The following DLGAP1 variants were observed in gnomAD, a reference collection of about 807,000 sequenced individuals.
DLGAP1 encodes DLG associated protein 1.
A neutral mutation model predicts 90.8 loss-of-function variants in DLGAP1; 11 were observed. The observed-to-expected ratio is 0.12, with a 90% confidence interval of 0.08 to 0.20. DLGAP1 has a LOEUF of 0.20. Ranked by LOEUF, DLGAP1 falls within the 10% of genes least tolerant of loss-of-function variation. The probability of loss-of-function intolerance (pLI) is 1.00; values close to 1 mark genes in which losing one functional copy is unlikely to be tolerated. For missense variants in DLGAP1, 1,050 were observed against 1,333.8 expected (o/e 0.79, Z 3.31); for synonymous variants, 558 against 540.7 (o/e 1.03, Z -0.44).
intron 1 of DLGAP1, among the ~76,000 whole-genome samples, chr18:4,284,639 C>T (rs568495853): frequency 6.6e-6 from 1 of 152,188 alleles, no homozygotes; most frequent in Non-Finnish European, 1.5e-5. Flanking sequence ...GTCCCACACA[C>T]AGGATCAGCT....
intron 3 of DLGAP1, among the ~76,000 whole-genome samples, chr18:3,938,887 T>G (rs1420039923): frequency 6.6e-6 from 1 of 152,098 alleles, no homozygotes; most frequent in Admixed American, 6.5e-5. Context: ...GGCAGAATAA[T>G]CCAGGCTGGA....
At chr18:4,316,838 A>T (rs2080541461) in intron 1 of DLGAP1, among the ~76,000 whole-genome samples, 1 of 151,988 alleles carries the variant, frequency 6.6e-6, no homozygotes, top group Admixed American at 6.6e-5. Context: ...TAGATTTATA[A>T]TTTTTTCCCA....
chr18:3,907,380 G>GT (rs1447807451), intron 3 of DLGAP1, among the ~76,000 whole-genome samples: 4 of 152,194 alleles, frequency 2.6e-5, no homozygotes, highest in African/African-American at 9.7e-5. Context: ...CTACCAGAAG[G>GT]TTCATATCTC....
chr18:4,226,274 C>T lies in DLGAP1; in HGVS notation c.-266-74987G>A, dbSNP rs1007397583. Among the ~76,000 whole-genome samples the T allele has an allele frequency of 5.2e-4, 79 of 152,154 alleles. 1 individual carries two copies. The highest frequency in any genetic ancestry group is 3.4e-3 in the Middle Eastern group (1 of 294). ...AAAAGCTGAAATATTTCATCAACAC[C>T]AGACCTGTCCTATAAGAAAAGCTAA... On this transcript the variant is annotated intron_variant, in intron 1 of 12. Transcript: ENST00000315677.
chr18:3,735,696 A>G (rs2062610545), intron 6 of DLGAP1, among the ~76,000 whole-genome samples: 2 of 148,422 alleles, frequency 1.3e-5, no homozygotes, highest in East Asian at 4.2e-4. Context: ...CAGATGTGAA[A>G]TTAATTAGAT....
At chr18:3,618,102 T>C (rs1009349058) in intron 7 of DLGAP1, among the ~76,000 whole-genome samples, 1 of 152,158 alleles carries the variant, frequency 6.6e-6, no homozygotes, top group African/African-American at 2.4e-5. Context: ...AAACCTATAT[T>C]GGCTAGTGAG....
chr18:4,384,036 G>A (rs892880152), intron 1 of DLGAP1, among the ~76,000 whole-genome samples: 4 of 152,110 alleles, frequency 2.6e-5, no homozygotes, highest in African/African-American at 9.7e-5. Context: ...CATGCGACAA[G>A]CAATTTCACC....
intron 4 of DLGAP1, among the ~76,000 whole-genome samples, chr18:3,848,745 C>A (rs2069167094): frequency 1.3e-5 from 2 of 152,146 alleles, no homozygotes; most frequent in African/African-American, 4.8e-5. Context: ...AAACCACCCA[C>A]TTACCCCAAT....
chr18:3,610,651 A>G (rs1010759999), intron 7 of DLGAP1, among the ~76,000 whole-genome samples: 1 of 151,918 alleles, frequency 6.6e-6, no homozygotes, highest in African/African-American at 2.4e-5. Context: ...CCTGGCAAGC[A>G]TGGCAAAATG....
intron 7 of DLGAP1, among the ~76,000 whole-genome samples, chr18:3,593,465 G>GC (rs1311305712): frequency 6.6e-6 from 1 of 152,156 alleles, no homozygotes; most frequent in Non-Finnish European, 1.5e-5. Context: ...ATGATTCCCG[G>GC]CCCCCCTCTG....
chr18:4,116,192 A>AT (rs1473403042), intron 2 of DLGAP1, among the ~76,000 whole-genome samples: 2 of 152,200 alleles, frequency 1.3e-5, no homozygotes, highest in Non-Finnish European at 2.9e-5. Context: ...CAAATATGTC[A>AT]TACCATTGCC....
intron 7 of DLGAP1, among the ~76,000 whole-genome samples, chr18:3,631,274 G>A (rs752448432): frequency 5.9e-5 from 9 of 151,978 alleles, no homozygotes; most frequent in Non-Finnish European, 1.3e-4. Flanking sequence ...GTGAGCCACC[G>A]TGCCTGGCTG....
intron 9 of DLGAP1, among the ~76,000 whole-genome samples, chr18:3,552,192 C>A (rs2053515071): frequency 6.6e-6 from 1 of 152,106 alleles, no homozygotes; most frequent in South Asian, 2.1e-4. Context: ...ACTTCCACAT[C>A]CCTCATGGAT....
At chr18:3,551,174 TATAC>T (rs1393949006) in intron 9 of DLGAP1, among the ~76,000 whole-genome samples, 1 of 3,204 alleles carries the variant, frequency 3.1e-4, no homozygotes, top group African/African-American at 4.6e-4. Flanking sequence ...TATATATATA[TATAC>T]ACATACATAT....
At chr18:4,430,494 T>TTGTGTGTC (rs1387304925) in intron 1 of DLGAP1, 1 of 73,234 alleles carries the variant, frequency 1.4e-5, no homozygotes, top group African/African-American at 4.3e-5. Flanking sequence ...GTAAATAGTC[T>TTGTGTGTC]TGTGTGTCTG....
intron 3 of DLGAP1, among the ~76,000 whole-genome samples, chr18:3,989,295 G>C (rs1339186508): frequency 7.9e-5 from 12 of 152,212 alleles, no homozygotes; most frequent in Admixed American, 7.8e-4. Flanking sequence ...GAGGGTTCCT[G>C]TGTTTTAATA....
intron 5 of DLGAP1, among the ~76,000 whole-genome samples, chr18:3,773,747 A>C (rs578200317): frequency 6.6e-6 from 1 of 152,322 alleles, no homozygotes; most frequent in African/African-American, 2.4e-5. Context: ...CATATTTGTA[A>C]ATCTATTTCA....
rs192707352 is a variant in DLGAP1, at chr18:3,629,061, A to G, written c.1592-46813T>C. On this transcript the variant is annotated intron_variant, in intron 7 of 12. Transcript: ENST00000315677. ...TTAAAAATGTGGATATTGTCCCAACATACACTCCCATAACAGTGCATGAGA... is the reference window on the plus strand; with the variant it reads ...TTAAAAATGTGGATATTGTCCCAACGTACACTCCCATAACAGTGCATGAGA... Among the ~76,000 whole-genome samples the G allele has an allele frequency of 1.8e-3, 268 of 152,336 alleles. 1 individual carries two copies. The highest frequency in any genetic ancestry group is 6.8e-3 in the Middle Eastern group (2 of 294).
intron 1 of DLGAP1, among the ~76,000 whole-genome samples, chr18:4,225,870 GAGGT>G (rs1240644836): frequency 1.3e-5 from 2 of 152,094 alleles, no homozygotes; most frequent in Non-Finnish European, 2.9e-5. Context: ...GAGAGAGATA[GAGGT>G]AGAAGGTTCA....
Sources: allele counts gnomAD v4.1 joint callset (sites outside exome capture counted in the v4.1 genomes callset), GRCh38; gene constraint gnomAD v4.1.1; transcripts MANE v1.5; gene names NCBI Gene and HGNC (gene_info 2026-07-23, HGNC 2026-07-21).